The following NCAM2 variants were observed in gnomAD, a reference collection of about 807,000 sequenced individuals.
NCAM2 encodes N-CAM-2.
A neutral mutation model predicts 98.1 loss-of-function variants in NCAM2; 30 were observed. That is an observed-to-expected ratio of 0.31 (90% CI 0.23 to 0.41). The LOEUF (loss-of-function observed/expected upper bound fraction) is 0.41, where lower values mean the gene tolerates loss of function less well. NCAM2 is among the 10% of genes least tolerant of loss of function. The probability of loss-of-function intolerance (pLI) is 1.00; values close to 1 mark genes in which losing one functional copy is unlikely to be tolerated. For synonymous variants in NCAM2, 368 were observed against 342.4 expected, an observed-to-expected ratio of 1.07 and a Z score of -0.83; for missense variants, 867 against 1,005.8, an observed-to-expected ratio of 0.86 and a Z score of 1.87.
chr21:21,216,896 T>G (rs2069925651), intron 1 of NCAM2, among the ~76,000 whole-genome samples: 1 of 152,166 alleles, frequency 6.6e-6, no homozygotes, highest in Admixed American at 6.5e-5. Flanking sequence ...CACAAGGTCT[T>G]TAGCAAATGT....
chr21:21,396,016 CTTAA>C (rs1402469834), intron 9 of NCAM2, among the ~76,000 whole-genome samples: 1 of 151,958 alleles, frequency 6.6e-6, no homozygotes, highest in Non-Finnish European at 1.5e-5. Context: ...ATAGATGGGA[CTTAA>C]TTAAGTTAAA....
chr21:21,215,562 C>A (rs2069860213), intron 1 of NCAM2, among the ~76,000 whole-genome samples: 1 of 151,724 alleles, frequency 6.6e-6, no homozygotes. Flanking sequence ...CTACTAAAAA[C>A]AAAAACAAAA....
chr21:21,325,644 A>G (rs1194944036), intron 6 of NCAM2, among the ~76,000 whole-genome samples: 3 of 152,168 alleles, frequency 2.0e-5, no homozygotes, highest in Admixed American at 1.3e-4. Context: ...TTAAAAGTCC[A>G]TATCAGACCT....
At chr21:21,042,717 G>T (rs1226827944) in intron 1 of NCAM2, among the ~76,000 whole-genome samples, 2 of 152,114 alleles carry the variant, frequency 1.3e-5, no homozygotes, top group Admixed American at 6.5e-5. Flanking sequence ...TTTATGTTAA[G>T]CACCTGAAAT....
At chr21:21,318,290 A>G (rs144644911) in intron 5 of NCAM2, among the ~76,000 whole-genome samples, 22 of 152,210 alleles carry the variant, frequency 1.4e-4, no homozygotes, top group African/African-American at 5.1e-4. Context: ...ATTTATTTAT[A>G]TATTTATTGA....
intron 10 of NCAM2, among the ~76,000 whole-genome samples, chr21:21,411,071 C>CATATATATGTGTATATATAT (rs1471958720): frequency 1.2e-4 from 1 of 8,310 alleles, no homozygotes; most frequent in Non-Finnish European, 2.2e-4. Flanking sequence ...TATATATATA[C>CATATATATGTGTATATATAT]ACACACATAT....
chr21:21,435,168 C>T (rs2077440992), intron 12 of NCAM2, among the ~76,000 whole-genome samples: 1 of 152,132 alleles, frequency 6.6e-6, no homozygotes, highest in African/African-American at 2.4e-5. Flanking sequence ...ATGCAATTTC[C>T]ACTTGACCAA....
intron 1 of NCAM2, among the ~76,000 whole-genome samples, chr21:21,116,475 G>A (rs912761110): frequency 6.6e-6 from 1 of 152,026 alleles, no homozygotes; most frequent in East Asian, 1.9e-4. Flanking sequence ...TTGATAGGAC[G>A]GCCTGTTTAG....
At chr21:21,034,758 T>TC (rs1473637205) in intron 1 of NCAM2, among the ~76,000 whole-genome samples, 1 of 152,194 alleles carries the variant, frequency 6.6e-6, no homozygotes, top group Non-Finnish European at 1.5e-5. Context: ...GTATTTTTTT[T>TC]CTCTCCAGTC....
intron 1 of NCAM2, 28 bp downstream of exon 1, chr21:20,998,646 A>T (rs766937794): frequency 6.2e-7 from 1 of 1,608,978 alleles, no homozygotes; most frequent in Admixed American, 1.7e-5. Flanking sequence ...TATTGCATTT[A>T]CTTTCCCTCC....
chr21:21,520,517 A>T (rs1988955479), intron 16 of NCAM2, among the ~76,000 whole-genome samples: 2 of 152,158 alleles, frequency 1.3e-5, no homozygotes, highest in African/African-American at 2.4e-5. Context: ...AGAAATATGT[A>T]TGAAATATCA....
intron 5 of NCAM2, among the ~76,000 whole-genome samples, chr21:21,296,487 A>G (rs2147609712): frequency 6.6e-6 from 1 of 151,866 alleles, no homozygotes; most frequent in Non-Finnish European, 1.5e-5. Flanking sequence ...GAATAAGAAC[A>G]ATGGTGTGTT....
chr21:21,021,916 T>G (rs77570481), intron 1 of NCAM2, among the ~76,000 whole-genome samples: 7,418 of 152,194 alleles, frequency 0.049, 207 homozygotes, highest in Non-Finnish European at 0.058. Flanking sequence ...TTTTATGTCA[T>G]GCACATAGTA....
At chr21:21,345,853 A>G (rs1480091684) in intron 8 of NCAM2, among the ~76,000 whole-genome samples, 1 of 152,092 alleles carries the variant, frequency 6.6e-6, no homozygotes, top group African/African-American at 2.4e-5. Context: ...ATAATAGCAC[A>G]GGCATTTAAT....
At position 21,236,483 on chromosome 21, in the gene NCAM2, G is replaced by A. The variant is rs192270873; in HGVS notation, c.56-44095G>A. 3.3e-5 allele frequency among the ~76,000 whole-genome samples: 5 copies of A among 152,028 alleles called. No homozygotes were observed. In the East Asian group the frequency reaches 7.7e-4, roughly 24 times the overall value. ...GCAAATGTGAAAGTAATTTTATGGT[G>A]ATTTGTGCAGTTAGTGGTCTGCAAA... On this transcript the variant is annotated intron_variant, in intron 1 of 17. Transcript: ENST00000400546.
At chr21:21,414,188 A>G (rs2076941223) in intron 10 of NCAM2, among the ~76,000 whole-genome samples, 1 of 152,108 alleles carries the variant, frequency 6.6e-6, no homozygotes. Flanking sequence ...TTCAGGCTCC[A>G]TTTCTAATTC....
intron 1 of NCAM2, among the ~76,000 whole-genome samples, chr21:21,048,585 C>T (rs928088682): frequency 2.0e-5 from 3 of 152,262 alleles, no homozygotes; most frequent in African/African-American, 7.2e-5. Flanking sequence ...GATCTCCTGA[C>T]CTCGTGATCC....
chr21:21,367,355 G>A (rs187037643), intron 8 of NCAM2, among the ~76,000 whole-genome samples: 119 of 151,956 alleles, frequency 7.8e-4, no homozygotes, highest in East Asian at 6.2e-3. Context: ...TTGACAAGGA[G>A]TTATGTGAAA....
intron 1 of NCAM2, among the ~76,000 whole-genome samples, chr21:21,154,955 A>C (rs1257442235): frequency 6.6e-6 from 1 of 151,806 alleles, no homozygotes; most frequent in African/African-American, 2.4e-5. Context: ...ATGAAAATTA[A>C]AATTATGAAG....
Sources: gnomAD v4.1 joint callset for allele counts (sites outside exome capture counted in the v4.1 genomes callset) on GRCh38, gnomAD v4.1.1 for gene constraint, MANE v1.5 for transcripts, NCBI Gene and HGNC (gene_info 2026-07-23, HGNC 2026-07-21) for gene names.